The following PTPRR variants were observed in gnomAD, a reference collection of about 807,000 sequenced individuals.
PTPRR encodes the protein receptor-type tyrosine-protein phosphatase R.
PTPRR carries 38 observed loss-of-function variants against 77.2 expected under a neutral mutation model. That is an observed-to-expected ratio of 0.49 (90% CI 0.38 to 0.65). The LOEUF is 0.65. PTPRR is among the 30% of genes least tolerant of loss of function. The probability of loss-of-function intolerance (pLI) is 0.00; values close to 1 mark genes in which losing one functional copy is unlikely to be tolerated. For synonymous variants in PTPRR, 299 were observed against 283.1 expected, an observed-to-expected ratio of 1.06 and a Z score of -0.57; for missense variants, 744 against 799.2, an observed-to-expected ratio of 0.93 and a Z score of 0.83.
intron 6 of PTPRR, among the ~76,000 whole-genome samples, chr12:70,729,354 A>G (rs199827197): frequency 8.7e-6 from 1 of 114,416 alleles, no homozygotes; most frequent in South Asian, 2.9e-4. Context: ...CTATCTATCT[A>G]TCTATCTATC....
intron 2 of PTPRR, among the ~76,000 whole-genome samples, chr12:70,866,710 C>T (rs1012605088): frequency 3.5e-4 from 54 of 152,294 alleles, no homozygotes; most frequent in Non-Finnish European, 6.8e-4. Flanking sequence ...GATACCAATG[C>T]CTGGCAGAGA....
chr12:70,740,375 T>C (rs1890008857), intron 6 of PTPRR, among the ~76,000 whole-genome samples: 2 of 149,590 alleles, frequency 1.3e-5, no homozygotes, highest in South Asian at 4.3e-4. Context: ...TGTTTCTCTT[T>C]TTTTTTTTTC....
chr12:70,827,433 G>C (rs1177114963), intron 2 of PTPRR, among the ~76,000 whole-genome samples: 2 of 152,176 alleles, frequency 1.3e-5, no homozygotes, highest in Non-Finnish European at 2.9e-5. Context: ...TCAGTGTTTG[G>C]TAAAGGCCCA....
chr12:70,719,695 G>A (rs1010403647), intron 6 of PTPRR, among the ~76,000 whole-genome samples: 1 of 152,092 alleles, frequency 6.6e-6, no homozygotes, highest in Non-Finnish European at 1.5e-5. Flanking sequence ...GGCCACGGGC[G>A]CCCAGCTGGA....
chr12:70,712,461 T>G, intron 6 of PTPRR, among the ~76,000 whole-genome samples: 1 of 151,260 alleles, frequency 6.6e-6, no homozygotes, highest in East Asian at 1.9e-4. Flanking sequence ...TCCTTCCTCA[T>G]CCAGTGTCAG....
intron 2 of PTPRR, among the ~76,000 whole-genome samples, chr12:70,818,117 C>T (rs1262209402): frequency 6.6e-6 from 1 of 150,940 alleles, no homozygotes; most frequent in Non-Finnish European, 1.5e-5. Context: ...GAGGCTGAGG[C>T]AGGAGAATCT....
intron 2 of PTPRR, among the ~76,000 whole-genome samples, chr12:70,880,332 T>G (rs1009782019): frequency 6.6e-6 from 1 of 152,150 alleles, no homozygotes; most frequent in Non-Finnish European, 1.5e-5. Context: ...AATTAGTAAA[T>G]GCCTAATTTG....
chr12:70,795,712 T>C (rs1192484375), intron 2 of PTPRR, among the ~76,000 whole-genome samples: 1 of 152,136 alleles, frequency 6.6e-6, no homozygotes, highest in Non-Finnish European at 1.5e-5. Flanking sequence ...TTGTCATTGT[T>C]AGAATCATTC....
At chr12:70,749,467 G>A (rs946438412) in intron 5 of PTPRR, among the ~76,000 whole-genome samples, 5 of 152,176 alleles carry the variant, frequency 3.3e-5, no homozygotes, top group Admixed American at 1.3e-4. Context: ...AATTTTTAAT[G>A]TTATTACTAT....
intron 6 of PTPRR, among the ~76,000 whole-genome samples, chr12:70,739,811 G>C (rs1334591630): frequency 6.6e-6 from 1 of 152,168 alleles, no homozygotes; most frequent in Admixed American, 6.5e-5. Context: ...GGAGACTAGA[G>C]ATCGGTAGGC....
At chr12:70,904,054 G>A (rs1284467700) in intron 1 of PTPRR, among the ~76,000 whole-genome samples, 3 of 151,870 alleles carry the variant, frequency 2.0e-5, no homozygotes, top group Non-Finnish European at 4.4e-5. Context: ...AAAATGAAAT[G>A]TACTAATAAT....
intron 2 of PTPRR, among the ~76,000 whole-genome samples, chr12:70,795,461 C>G (rs1891495051): frequency 6.6e-6 from 1 of 152,146 alleles, no homozygotes; most frequent in Non-Finnish European, 1.5e-5. Context: ...TCCTCATCCA[C>G]TGAATGTGTG....
In PTPRR at chr12:70,700,372, G is replaced by A. The variant is rs182023977; in HGVS notation, c.1194+765C>T. ...TCTCTGAGTTGATGTATGTTATCAT[G>A]CTTTAAGCTTTCACTAGCAACACTG... On this transcript the variant is annotated intron_variant, in intron 7 of 13. Transcript: ENST00000283228. 3.8e-3 allele frequency among the ~76,000 whole-genome samples: 577 copies of A among 152,270 alleles called. 5 individuals carry two copies. Among genetic ancestry groups the A allele is most frequent in the African/African-American group, 0.014 (565 of 41,568 alleles).
chr12:70,886,157 T>C (rs1268652125), intron 2 of PTPRR, among the ~76,000 whole-genome samples: 3 of 152,180 alleles, frequency 2.0e-5, no homozygotes, highest in Admixed American at 6.5e-5. Flanking sequence ...GCTGCTTTAA[T>C]AGCTAGAAAT....
At chr12:70,745,492 T>G (rs1248082084) in intron 6 of PTPRR, among the ~76,000 whole-genome samples, 1 of 152,212 alleles carries the variant, frequency 6.6e-6, no homozygotes, top group Non-Finnish European at 1.5e-5. Flanking sequence ...CTACCAGAGT[T>G]TCATGACAAT....
At chr12:70,711,505 T>A (rs536118889) in intron 6 of PTPRR, among the ~76,000 whole-genome samples, 22 of 152,136 alleles carry the variant, frequency 1.4e-4, no homozygotes, top group African/African-American at 5.3e-4. Flanking sequence ...GTAGGATAAC[T>A]AAGGGGTAGT....
At chr12:70,715,507 T>G (rs146303675) in intron 6 of PTPRR, among the ~76,000 whole-genome samples, 2 of 152,130 alleles carry the variant, frequency 1.3e-5, no homozygotes, top group African/African-American at 4.8e-5. Context: ...CCAATAAGCC[T>G]GGGAGCGCTA....
chr12:70,813,373 C>T (rs1016818888), intron 2 of PTPRR, among the ~76,000 whole-genome samples: 4 of 151,706 alleles, frequency 2.6e-5, no homozygotes, highest in Admixed American at 6.6e-5. Context: ...AAATTCTGTG[C>T]ATCTCAACGT....
At chr12:70,771,534 C>T (rs909506102) in intron 2 of PTPRR, among the ~76,000 whole-genome samples, 1 of 152,066 alleles carries the variant, frequency 6.6e-6, no homozygotes, top group Non-Finnish European at 1.5e-5. Flanking sequence ...CATGTACCCC[C>T]TGAATCTAAA....
Sources: allele counts gnomAD v4.1 joint callset (sites outside exome capture counted in the v4.1 genomes callset), GRCh38; gene constraint gnomAD v4.1.1; transcripts MANE v1.5; gene names NCBI Gene and HGNC (gene_info 2026-07-23, HGNC 2026-07-21).